The following PCSK2 variants were observed in gnomAD, a reference collection of about 807,000 sequenced individuals.
PCSK2 encodes proprotein convertase subtilisin/kexin type 2.
Under a neutral mutation model 69.7 loss-of-function variants are expected in PCSK2, and 14 were observed. That is an observed-to-expected ratio of 0.20 (90% CI 0.13 to 0.31). PCSK2 has a LOEUF of 0.31. Among genes scored for constraint, PCSK2 ranks in the 10% least tolerant of loss-of-function variants. The pLI is 1.00. For synonymous variants in PCSK2, 307 were observed against 320.7 expected (o/e 0.96, Z 0.46); for missense variants, 544 against 842.5 (o/e 0.65, Z 4.39).
intron 2 of PCSK2, among the ~76,000 whole-genome samples, chr20:17,338,453 C>T (rs560866437): frequency 6.6e-6 from 1 of 152,172 alleles, no homozygotes; most frequent in East Asian, 1.9e-4. Flanking sequence ...TGTCGGCCTC[C>T]CAAAGTGCTG....
At chr20:17,351,164 A>C (rs915792164) in intron 2 of PCSK2, among the ~76,000 whole-genome samples, 4 of 152,176 alleles carry the variant, frequency 2.6e-5, no homozygotes, top group Non-Finnish European at 5.9e-5. Context: ...TAGAGAGACT[A>C]GAGGTGGGTA....
chr20:17,230,964 G>A (rs1205576625), intron 1 of PCSK2, among the ~76,000 whole-genome samples: 1 of 152,186 alleles, frequency 6.6e-6, no homozygotes, highest in African/African-American at 2.4e-5. Context: ...CTAGGAGAGT[G>A]AATGAGTTTA....
chr20:17,449,396 C>A (rs1316649886), intron 8 of PCSK2, among the ~76,000 whole-genome samples: 1 of 152,054 alleles, frequency 6.6e-6, no homozygotes, highest in Admixed American at 6.6e-5. Context: ...CACCTATTCC[C>A]TGGATAAAAT....
intron 10 of PCSK2, among the ~76,000 whole-genome samples, chr20:17,458,906 G>A (rs76925512): frequency 0.025 from 3,866 of 152,178 alleles, 150 homozygotes; most frequent in African/African-American, 0.088. Context: ...AGTGGGGGAT[G>A]ACTGCCACCT....
At chr20:17,238,832 A>G (rs1037057709) in intron 1 of PCSK2, among the ~76,000 whole-genome samples, 1 of 152,184 alleles carries the variant, frequency 6.6e-6, no homozygotes, top group Non-Finnish European at 1.5e-5. Flanking sequence ...TTGGGTTTAC[A>G]CTTGGTAAAA....
At chr20:17,322,787 G>C (rs770696419) in intron 2 of PCSK2, among the ~76,000 whole-genome samples, 1 of 152,186 alleles carries the variant, frequency 6.6e-6, no homozygotes, top group East Asian at 1.9e-4. Context: ...TCTTTTATAA[G>C]GGCATTAATT....
At chr20:17,423,494 G>C (rs1409625209) in intron 6 of PCSK2, among the ~76,000 whole-genome samples, 1 of 152,154 alleles carries the variant, frequency 6.6e-6, no homozygotes, top group East Asian at 1.9e-4. Context: ...TAGACTCTCA[G>C]CTAATCTCTC....
At chr20:17,454,713 A>G (rs1453033547) in intron 9 of PCSK2, among the ~76,000 whole-genome samples, 1 of 152,210 alleles carries the variant, frequency 6.6e-6, no homozygotes, top group Non-Finnish European at 1.5e-5. Flanking sequence ...AGGATTTAGT[A>G]GGTGGTTCAG....
At chr20:17,362,024 G>A (rs143028124) in intron 4 of PCSK2, among the ~76,000 whole-genome samples, 14 of 152,318 alleles carry the variant, frequency 9.2e-5, no homozygotes, top group Non-Finnish European at 1.5e-4. Flanking sequence ...ATCCCCAGCC[G>A]GGGATCAGAG....
intron 8 of PCSK2, among the ~76,000 whole-genome samples, chr20:17,451,755 C>T (rs2032826677): frequency 6.6e-6 from 1 of 152,120 alleles, no homozygotes; most frequent in African/African-American, 2.4e-5. Flanking sequence ...CTACCACACT[C>T]CCCACACAAA....
intron 2 of PCSK2, among the ~76,000 whole-genome samples, chr20:17,355,619 C>T (rs1419048316): frequency 6.6e-6 from 1 of 150,692 alleles, no homozygotes; most frequent in Non-Finnish European, 1.5e-5. Context: ...TTTAAACATT[C>T]TGTTAATGAA....
At chr20:17,320,015 T>C (rs151199495) in intron 2 of PCSK2, among the ~76,000 whole-genome samples, 3 of 152,134 alleles carry the variant, frequency 2.0e-5, no homozygotes, top group Non-Finnish European at 4.4e-5. Flanking sequence ...GACTAAAGAG[T>C]CTAGAAAATA....
At chr20:17,333,858 T>C (rs1183976585) in intron 2 of PCSK2, among the ~76,000 whole-genome samples, 1 of 144,944 alleles carries the variant, frequency 6.9e-6, no homozygotes, top group East Asian at 2.2e-4. Flanking sequence ...AGTTATTCAG[T>C]AAGTCTTCAC....
At chr20:17,292,164 T>A (rs1358167859) in intron 2 of PCSK2, among the ~76,000 whole-genome samples, 1 of 152,218 alleles carries the variant, frequency 6.6e-6, no homozygotes, top group Non-Finnish European at 1.5e-5. Flanking sequence ...GATCTTTTTA[T>A]TCATAGAGTC....
At chr20:17,244,996 G>C (rs1986719846) in intron 1 of PCSK2, among the ~76,000 whole-genome samples, 1 of 152,038 alleles carries the variant, frequency 6.6e-6, no homozygotes, top group South Asian at 2.1e-4. Flanking sequence ...CCTCTCATGG[G>C]TGTGGGCAGA....
At chr20:17,459,877 C>T (rs536594953) in intron 10 of PCSK2, among the ~76,000 whole-genome samples, 1 of 152,310 alleles carries the variant, frequency 6.6e-6, no homozygotes, top group Non-Finnish European at 1.5e-5. Context: ...CTCTGTGAAT[C>T]TATGACTCTG....
chr20:17,479,401 C>T, intron 11 of PCSK2: 2 of 656,900 alleles, frequency 3.0e-6, no homozygotes, highest in Admixed American at 2.1e-5. Context: ...TTGAGGCCAA[C>T]CTCGTCGCAG....
intron 2 of PCSK2, among the ~76,000 whole-genome samples, chr20:17,266,113 T>A (rs1987590226): frequency 6.6e-6 from 1 of 152,208 alleles, no homozygotes; most frequent in Admixed American, 6.5e-5. Context: ...ATGTCACTTA[T>A]GTGAATTCAG....
rs1381083774 is a variant in PCSK2, at chr20:17,364,681, A to G, written c.505+4041A>G. Reference sequence around the variant, plus strand: ...GAGATCTGGGGGAGGACACAGCCAAACCATATCCAACCCCAACACTTAGCA... The same window carrying G: ...GAGATCTGGGGGAGGACACAGCCAAGCCATATCCAACCCCAACACTTAGCA... On this transcript the variant is annotated intron_variant, in intron 4 of 11. Transcript: ENST00000262545. Among the ~76,000 whole-genome samples, 10 of 152,230 alleles carry G rather than the reference A, an allele frequency of 6.6e-5. No homozygotes were observed. The East Asian group carries it at 1.9e-3, about 29-fold the overall frequency.
Sources: allele counts gnomAD v4.1 joint callset (sites outside exome capture counted in the v4.1 genomes callset), GRCh38; gene constraint gnomAD v4.1.1; transcripts MANE v1.5; gene names NCBI Gene and HGNC (gene_info 2026-07-23, HGNC 2026-07-21).